Variants in KMT2C observed in about 807,000 individuals in gnomAD.
KMT2C encodes histone-lysine N-methyltransferase 2C.
In KMT2C, 88 loss-of-function variants were observed where a neutral mutation model predicts 507.9. The ratio of observed to expected loss-of-function variants is 0.17; its 90% CI spans 0.15 to 0.21. The LOEUF (loss-of-function observed/expected upper bound fraction) is 0.21. Among genes scored for constraint, KMT2C ranks in the 10% least tolerant of loss-of-function variants. The pLI, the probability that KMT2C is intolerant of heterozygous loss-of-function variation, is 1.00. For missense variants in KMT2C, 4,954 were observed against 5,957.8 expected, an observed-to-expected ratio of 0.83 and a Z score of 5.55; for synonymous variants, 2,049 against 2,080.8, an observed-to-expected ratio of 0.98 and a Z score of 0.42.
chr7:152,430,698 AT>A (rs1174594610), intron 1 of KMT2C, among the ~76,000 whole-genome samples: 1 of 152,076 alleles, frequency 6.6e-6, no homozygotes, highest in African/African-American at 2.4e-5. Context: ...CACCCAGCTA[AT>A]TTTTTTGTAG....
intron 1 of KMT2C, among the ~76,000 whole-genome samples, chr7:152,392,886 T>C (rs1181261518): frequency 6.6e-6 from 1 of 151,800 alleles, no homozygotes; most frequent in Non-Finnish European, 1.5e-5. Context: ...GTTTATCAGC[T>C]TTTTTTGAAG....
rs571616017 is a variant in KMT2C at position 152,230,200 on chromosome 7, G to A, written c.2871+20C>T. ...AAGGAGGAATTCAATGAGGAAGACA[G>A]TAAATTGTCAAGTTCAAACCTGATT... On this transcript the variant is annotated intron_variant, in intron 17 of 58. Coordinates refer to ENST00000262189, the MANE Select transcript of KMT2C (RefSeq NM_170606.3). The A allele has an allele frequency of 9.8e-5, 136 of 1,388,744 alleles. 3 individuals are homozygous for A. In the East Asian group the frequency reaches 3.1e-3, roughly 31 times the overall value. 86.0% of individuals were successfully genotyped at this position (1,388,744 alleles called of 1,614,324 possible). A position where few individuals can be genotyped will look rare whatever the true frequency, so the allele number is the denominator to read the frequency against.
chr7:152,390,948 C>G (rs1281591779), intron 1 of KMT2C, among the ~76,000 whole-genome samples: 1 of 151,816 alleles, frequency 6.6e-6, no homozygotes, highest in African/African-American at 2.4e-5. Flanking sequence ...AGTTCAAGAC[C>G]AGCCTGGCTA....
chr7:152,149,951 G>A (rs2091470272), intron 51 of KMT2C, among the ~76,000 whole-genome samples: 1 of 152,162 alleles, frequency 6.6e-6, no homozygotes, highest in East Asian at 1.9e-4. Flanking sequence ...TTAGGCTGAT[G>A]TATTTTAAGA....
chr7:152,315,138 T>C lies in KMT2C; in HGVS notation c.590A>G (p.Lys197Arg). 1 of 1,613,438 alleles carries C rather than the reference T, an allele frequency of 6.2e-7. No individual in the cohort carries two copies. Among genetic ancestry groups the C allele is most frequent in the Non-Finnish European group, 8.5e-7 (1 of 1,179,550 alleles). Residue 197 changes from lysine to arginine, a missense_variant and splice_region_variant, in exon 4 of 59, where the codon AAA becomes AGA. Physicochemically the swap from Lys to Arg is conservative, Grantham distance 26. This residue lies in a region of KMT2C where 233 missense variants were observed against 263.6 expected (regional missense o/e 0.88). Coordinates refer to ENST00000262189, the MANE Select transcript of KMT2C (RefSeq NM_170606.3). ...SAPRKQRGQR[K>R]ERSPQQNIVS... ...AACATTTAAAGTCGAAACTGCTTACTTTCTCTGTCCTCTTTGTTTTCGTGG... is the reference window on the plus strand; with the variant it reads ...AACATTTAAAGTCGAAACTGCTTACCTTCTCTGTCCTCTTTGTTTTCGTGG...
At chr7:152,339,964 C>T (rs1260402297) in intron 2 of KMT2C, among the ~76,000 whole-genome samples, 1 of 151,056 alleles carries the variant, frequency 6.6e-6, no homozygotes, top group African/African-American at 2.4e-5. Context: ...AAAAAATATG[C>T]CTTCTCCCTC....
In KMT2C at chr7:152,181,706, A is replaced by G; in HGVS notation, c.6154T>C (p.Ser2052Pro). ...PFKTPMQPPP[S>P]SQDPYGSVSQ... is the part of the protein sequence containing the mutation. ...ACTGATCCATAAGGATCCTGAGAGG[A>G]TGGAGGAGGTTGCATTGGAGTCTTA... The change falls in exon 36 of 59, where the codon TCC (serine) becomes CCC (proline). Residue 2052 changes from serine (S) to proline (P), a missense_variant. Physicochemically the swap from Ser to Pro is moderately conservative, Grantham distance 74. This residue lies in a region of KMT2C where 1,689 missense variants were observed against 1,654.3 expected (regional missense o/e 1.02). Transcript: ENST00000262189. 1.9e-6 allele frequency: 3 copies of G among 1,614,096 alleles called. No homozygotes were observed. Among genetic ancestry groups the G allele is most frequent in the Non-Finnish European group, 2.5e-6 (3 of 1,180,026 alleles).
intron 1 of KMT2C, among the ~76,000 whole-genome samples, chr7:152,375,877 A>T (rs1466216197): frequency 6.6e-6 from 1 of 152,074 alleles, no homozygotes; most frequent in Non-Finnish European, 1.5e-5. Context: ...CCCAGGCTGG[A>T]GTGCAGTGGC....
chr7:152,190,249 T>C (rs2129126607), intron 31 of KMT2C, among the ~76,000 whole-genome samples: 2 of 152,314 alleles, frequency 1.3e-5, no homozygotes, highest in Non-Finnish European at 2.9e-5. Flanking sequence ...ATGTCTTTCA[T>C]GTAATTAGGA....
chr7:152,220,508 A>G lies in KMT2C; in HGVS notation c.3712+15T>C, dbSNP rs1288622166. Reference sequence around the variant, plus strand: ...TTCTTGCACACATATTTCATGGAAAATAAATTAGTATTACCTCGACTATCA... The same window carrying G: ...TTCTTGCACACATATTTCATGGAAAGTAAATTAGTATTACCTCGACTATCA... On this transcript the variant is annotated intron_variant, in intron 23 of 58. Coordinates refer to ENST00000262189, the MANE Select transcript of KMT2C (RefSeq NM_170606.3). 6.4e-7 allele frequency: 1 copy of G among 1,560,916 alleles called. No homozygotes were observed. Among genetic ancestry groups the G allele is most frequent in the African/African-American group, 1.4e-5 (1 of 73,798 alleles).
chr7:152,219,975 C>T (rs1181849046), intron 23 of KMT2C: 3 of 153,906 alleles, frequency 1.9e-5, no homozygotes, highest in African/African-American at 7.3e-5. Flanking sequence ...TGCACTCTAA[C>T]CTGGGCAACA....
rs1292321582 is a variant in KMT2C at position 152,360,085 on chromosome 7, G to T, written c.162-1410C>A. Among the ~76,000 whole-genome samples the T allele has an allele frequency of 2.3e-4, 20 of 86,760 alleles. No homozygotes were observed. The East Asian group carries it at 6.1e-3, about 26-fold the overall frequency. The allele number at this position is 86,760 out of a possible 152,430, so 56.9% of individuals were successfully genotyped here. A position where few individuals can be genotyped will look rare whatever the true frequency, so the allele number is the denominator to read the frequency against. On this transcript the variant is annotated intron_variant, in intron 1 of 58. Coordinates refer to ENST00000262189, the MANE Select transcript of KMT2C (RefSeq NM_170606.3). ...AAAAAAAGGGGGGTGGGGGGGGGGG[G>T]ACAATATGAAATAAAAGAATAATAT... is the stretch of plus-strand genomic sequence containing the variant.
chr7:152,246,564 T>G (rs2095477583), intron 14 of KMT2C, among the ~76,000 whole-genome samples: 1 of 152,220 alleles, frequency 6.6e-6, no homozygotes, highest in South Asian at 2.1e-4. Context: ...CAGGAATACA[T>G]ATGAAGCAGT....
chr7:152,364,925 A>C (rs955797907), intron 1 of KMT2C, among the ~76,000 whole-genome samples: 4 of 139,458 alleles, frequency 2.9e-5, no homozygotes, highest in Non-Finnish European at 4.6e-5. Context: ...ACAAAATCTG[A>C]AACAGACAGA....
At chr7:152,285,497 T>C (rs1418774509) in intron 6 of KMT2C, among the ~76,000 whole-genome samples, 1 of 152,396 alleles carries the variant, frequency 6.6e-6, no homozygotes, top group Non-Finnish European at 1.5e-5. Flanking sequence ...CTCTCACACA[T>C]AAATTTATTT....
Position 152,162,721 on chromosome 7 carries a change from G to T in KMT2C, c.10856C>A (p.Thr3619Asn). The change falls in exon 43 of 59, where the codon ACC becomes AAC. Residue 3619 changes from threonine to asparagine, a missense_variant. Thr to Asn is a moderately conservative substitution (Grantham distance 65). This residue lies in a region of KMT2C where 801 missense variants were observed against 751.2 expected (regional missense o/e 1.07). Transcript: ENST00000262189. ...TGAATGGGGAGTTGATGGAGCCTTG[G>T]TGGATTCTGCATCATCATCTCTTTT... ...KKKRDDDAES[T>N]KAPSTPHSDI... 6.2e-7 allele frequency: 1 copy of T among 1,614,204 alleles called. No homozygotes were observed. The highest frequency in any genetic ancestry group is 1.3e-5 in the African/African-American group (1 of 75,042).
chr7:152,205,254 A>G (rs754878938), intron 24 of KMT2C, 29 bp from the exon 25 acceptor site: 6 of 1,601,330 alleles, frequency 3.7e-6, no homozygotes, highest in East Asian at 2.2e-5. Context: ...AGGTAAACTG[A>G]TAAGTAATTT....
intron 26 of KMT2C, among the ~76,000 whole-genome samples, chr7:152,200,534 G>A (rs2094105347): frequency 6.6e-6 from 1 of 152,070 alleles, no homozygotes. Flanking sequence ...TTAGAGACCA[G>A]CCTGGGCAAC....
intron 9 of KMT2C, among the ~76,000 whole-genome samples, chr7:152,262,167 G>T (rs1250176349): frequency 2.0e-5 from 3 of 152,116 alleles, no homozygotes; most frequent in African/African-American, 4.8e-5. Context: ...GGGACCTGGG[G>T]TTCTGGCCAC....
Sources: allele counts gnomAD v4.1 joint callset (sites outside exome capture counted in the v4.1 genomes callset), GRCh38; gene constraint gnomAD v4.1.1; regional missense constraint gnomAD v4.1.1; transcripts MANE v1.5; gene names NCBI Gene and HGNC (gene_info 2026-07-23, HGNC 2026-07-21).